The following PCDHGB5 variants were observed in gnomAD, a reference collection of about 807,000 sequenced individuals.
PCDHGB5 encodes the protein protocadherin gamma subfamily B, 5.
A neutral mutation model predicts 62.9 loss-of-function variants in PCDHGB5; 48 were observed. The ratio of observed to expected loss-of-function variants is 0.76; its 90% confidence interval spans 0.61 to 0.97. The LOEUF (loss-of-function observed/expected upper bound fraction) is 0.97, where lower values mean the gene tolerates loss of function less well. Among genes scored for constraint, PCDHGB5 ranks in the 50% least tolerant of loss-of-function variants. The pLI is 0.00. For synonymous variants in PCDHGB5, 474 were observed against 511.2 expected, an observed-to-expected ratio of 0.93 and a Z score of 0.98; for missense variants, 1,118 against 1,198.6, an observed-to-expected ratio of 0.93 and a Z score of 0.99.
chr5:141,409,195 T>G lies in PCDHGB5; in HGVS notation c.2397+8671T>G, dbSNP rs750681435. 3.7e-6 allele frequency: 6 copies of G among 1,613,890 alleles called. No homozygotes were observed. The African/African-American group carries it at 8.0e-5, about 22-fold the overall frequency. On this transcript the variant is annotated intron_variant, in intron 1 of 3. Transcript: ENST00000617380. Reference sequence around the variant, plus strand: ...ACGGAGGTGGTCTCTCTACCCAGTGTAAAGTAATCATAGAAATCCTTGATG... The same window carrying G: ...ACGGAGGTGGTCTCTCTACCCAGTGGAAAGTAATCATAGAAATCCTTGATG...
chr5:141,417,833 G>A (rs968698994), intron 1 of PCDHGB5: 8 of 1,529,614 alleles, frequency 5.2e-6, no homozygotes, highest in Middle Eastern at 1.7e-4. Context: ...TGGAAAAGCG[G>A]GGACCCAGCG....
intron 1 of PCDHGB5, among the ~76,000 whole-genome samples, chr5:141,469,403 C>T (rs902543178): frequency 4.6e-5 from 7 of 152,060 alleles, no homozygotes; most frequent in South Asian, 2.1e-4. Context: ...GGTGAAACCC[C>T]GTTTCTACTA....
rs553772792 is a variant in PCDHGB5, at chr5:141,444,542, G to A, written c.2397+44018G>A. ...AGGTGAGACAGTGACTGTGTCTAGT[G>A]AGCAAAAGGCACTTATTTGACACTT... On this transcript the variant is annotated intron_variant, in intron 1 of 3. Coordinates refer to ENST00000617380, the MANE Select transcript of PCDHGB5 (RefSeq NM_018925.3). 3.3e-5 allele frequency among the ~76,000 whole-genome samples: 5 copies of A among 152,156 alleles called. No individual in the cohort carries two copies. The East Asian group carries it at 7.7e-4, about 24-fold the overall frequency.
chr5:141,435,372 T>C (rs2097759153), intron 1 of PCDHGB5, among the ~76,000 whole-genome samples: 1 of 152,216 alleles, frequency 6.6e-6, no homozygotes, highest in African/African-American at 2.4e-5. Context: ...CACTTAAATA[T>C]ACAATATACC....
Position 141,485,244 on chromosome 5 carries a change from T to G in PCDHGB5, c.2398-9563T>G. 5 of 1,614,168 alleles carry G rather than the reference T, an allele frequency of 3.1e-6. No individual in the cohort carries two copies. Among genetic ancestry groups the G allele is most frequent in the Non-Finnish European group, 4.2e-6 (5 of 1,180,006 alleles). On this transcript the variant is annotated intron_variant, in intron 1 of 3. Transcript: ENST00000617380. This position sits in a 1 kb window ranked among gnomAD's most constrained non-coding sequence, Gnocchi z 5.7. Reference sequence around the variant, plus strand: ...ACCCTTTTGTTCCTCTTTTACCACCTGGGTTACGTTTGTGGGCAGATCCGC... The same window carrying G: ...ACCCTTTTGTTCCTCTTTTACCACCGGGGTTACGTTTGTGGGCAGATCCGC...
Position 141,398,756 on chromosome 5 carries a change from T to C in PCDHGB5, c.629T>C (p.Leu210Ser). Reference sequence around the variant, plus strand: ...CGGGAACAACAGAGTTACCATCGTTTAGTCCTGACTGCCTTGGACGGTGGA... The same window carrying C: ...CGGGAACAACAGAGTTACCATCGTTCAGTCCTGACTGCCTTGGACGGTGGA... ...LDREQQSYHR[L>S]VLTALDGGHP... The change falls in exon 1 of 4, where the codon TTA becomes TCA. Residue 210 changes from leucine (L) to serine (S), a missense_variant. By Grantham distance (145) the Leu-to-Ser change is moderately radical. Coordinates refer to ENST00000617380, the MANE Select transcript of PCDHGB5 (RefSeq NM_018925.3). 1.9e-6 allele frequency: 3 copies of C among 1,613,924 alleles called. No individual in the cohort carries two copies. Among genetic ancestry groups the C allele is most frequent in the Non-Finnish European group, 2.5e-6 (3 of 1,179,898 alleles).
At chr5:141,507,120 T>TA (rs1256499995) in intron 3 of PCDHGB5, 2 of 152,206 alleles carry the variant, frequency 1.3e-5, no homozygotes, top group African/African-American at 4.8e-5. Context: ...TGGCTGCCTT[T>TA]GGATCCAGCC....
intron 1 of PCDHGB5, among the ~76,000 whole-genome samples, chr5:141,465,040 C>T (rs1396261200): frequency 6.6e-6 from 1 of 151,842 alleles, no homozygotes; most frequent in Non-Finnish European, 1.5e-5. Context: ...CCACAAATGA[C>T]CCTATATATT....
intron 1 of PCDHGB5, among the ~76,000 whole-genome samples, chr5:141,478,961 C>T (rs887338339): frequency 6.6e-6 from 1 of 152,206 alleles, no homozygotes; most frequent in Non-Finnish European, 1.5e-5. Context: ...CCTCATTCCT[C>T]CACCTTTCAA....
intron 1 of PCDHGB5, chr5:141,478,843 C>G: frequency 7.2e-7 from 1 of 1,398,442 alleles, no homozygotes; most frequent in South Asian, 1.5e-5. Flanking sequence ...GATGGTTAAG[C>G]TAAAACACAA....
intron 3 of PCDHGB5, 126 bp downstream of exon 3, chr5:141,505,607 T>A: frequency 6.5e-7 from 1 of 1,528,684 alleles, no homozygotes. Flanking sequence ...TCGGCAGGTC[T>A]GAAAGGACCC....
rs2154573815 is a variant in PCDHGB5 at position 141,475,798 on chromosome 5, CAAAGG to C, written c.2398-19004_2398-19000del. ...TTGGCTGGAAACTCTGGAAGGAAGC[CAAAGG>C]AAAGTGAAGTTCCTGGCGCTAGCGC... On this transcript the variant is annotated intron_variant, in intron 1 of 3. Coordinates refer to ENST00000617380, the MANE Select transcript of PCDHGB5 (RefSeq NM_018925.3). The C allele has an allele frequency of 9.7e-6, 3 of 309,052 alleles. No homozygotes were observed. The South Asian group carries it at 2.0e-4, about 21-fold the overall frequency. 19.1% of individuals were successfully genotyped at this position (309,052 alleles called of 1,614,324 possible).
Position 141,486,558 on chromosome 5 carries a change from T to C in PCDHGB5, c.2398-8249T>C, listed in dbSNP as rs544575797. 1 of 1,614,034 alleles carries C rather than the reference T, an allele frequency of 6.2e-7. No homozygotes were observed. Among genetic ancestry groups the C allele is most frequent in the Non-Finnish European group, 8.5e-7 (1 of 1,180,012 alleles). ...TCTTTCTTTCAGAGGTCACATGAGG[T>C]GTTTGTTCCTGAGAACAATCGCCCA... On this transcript the variant is annotated intron_variant, in intron 1 of 3. Coordinates refer to ENST00000617380, the MANE Select transcript of PCDHGB5 (RefSeq NM_018925.3). This position sits in a 1 kb window ranked among gnomAD's most constrained non-coding sequence, Gnocchi z 5.0.
At chr5:141,492,512 T>A (rs2099741406) in intron 1 of PCDHGB5, among the ~76,000 whole-genome samples, 1 of 152,116 alleles carries the variant, frequency 6.6e-6, no homozygotes, top group Admixed American at 6.5e-5. Flanking sequence ...GAGCCTCCTC[T>A]CACCTCTCCC....
At chr5:141,413,081 C>CAG in intron 1 of PCDHGB5, 1 of 1,339,426 alleles carries the variant, frequency 7.5e-7, no homozygotes, top group South Asian at 1.5e-5. Flanking sequence ...GCCCAGGCTA[C>CAG]AGAGACACCC....
chr5:141,402,091 G>C (rs1453803021), intron 1 of PCDHGB5, among the ~76,000 whole-genome samples: 2 of 152,088 alleles, frequency 1.3e-5, no homozygotes, highest in Non-Finnish European at 2.9e-5. Context: ...TAGCAGAAAA[G>C]TTTAAGCAAT....
Position 141,429,390 on chromosome 5 carries a change from A to ATTTT in PCDHGB5, c.2397+28866_2397+28867insTTTT, listed in dbSNP as rs1561841316. ...TGGAGAAAATGTGTTTTTTTTTTAA[A>ATTTT]AAAAATTGAGATTAAGGTCTCATTA... On this transcript the variant is annotated intron_variant, in intron 1 of 3. Coordinates refer to ENST00000617380, the MANE Select transcript of PCDHGB5 (RefSeq NM_018925.3). 1.2e-4 allele frequency among the ~76,000 whole-genome samples: 18 copies of ATTTT among 150,328 alleles called. No homozygotes were observed. In the East Asian group the frequency reaches 1.9e-3, roughly 16 times the overall value.
Position 141,408,151 on chromosome 5 carries a change from T to G in PCDHGB5, c.2397+7627T>G, listed in dbSNP as rs2154539780. ...CGAATGCTCTTTTAGCGCGGTAGAG[T>G]GCACTTTCTCCAACTGGAAAAGCGG... On this transcript the variant is annotated intron_variant, in intron 1 of 3. Transcript: ENST00000617380. 3.3e-6 allele frequency: 5 copies of G among 1,506,938 alleles called. No individual in the cohort carries two copies. In the East Asian group the frequency reaches 1.2e-4, roughly 37 times the overall value. 93.3% of individuals were successfully genotyped at this position (1,506,938 alleles called of 1,614,324 possible). A position where few individuals can be genotyped will look rare whatever the true frequency, so the allele number is the denominator to read the frequency against.
intron 1 of PCDHGB5, among the ~76,000 whole-genome samples, chr5:141,443,756 A>G (rs1234457212): frequency 6.6e-6 from 1 of 152,232 alleles, no homozygotes; most frequent in Non-Finnish European, 1.5e-5. Flanking sequence ...TTGGAAGCTT[A>G]CAATATACAA....
Sources: gnomAD v4.1 joint callset for allele counts (sites outside exome capture counted in the v4.1 genomes callset) on GRCh38, gnomAD v4.1.1 for gene constraint, Gnocchi (gnomAD v3.1) non-coding constraint, MANE v1.5 for transcripts, NCBI Gene and HGNC (gene_info 2026-07-23, HGNC 2026-07-21) for gene names.